TMEM67: variants seen among roughly 807,000 people sequenced by gnomAD.
The protein encoded by TMEM67 is transmembrane protein 67.
A neutral mutation model predicts 136.6 loss-of-function variants in TMEM67; 124 were observed. The ratio of observed to expected loss-of-function variants is 0.91; its 90% confidence interval spans 0.78 to 1.05. The LOEUF is 1.05. Among genes scored for constraint, TMEM67 ranks in the 50% least tolerant of loss-of-function variants. The probability of loss-of-function intolerance (pLI) is 0.00; values close to 1 mark genes in which losing one functional copy is unlikely to be tolerated. For missense variants in TMEM67, 1,107 were observed against 1,178.4 expected, an observed-to-expected ratio of 0.94 and a Z score of 0.89; for synonymous variants, 364 against 390.5, an observed-to-expected ratio of 0.93 and a Z score of 0.80.
intron 1 of TMEM67, 101 bp downstream of exon 1, chr8:93,755,238 T>G (rs989763965): frequency 9.2e-6 from 11 of 1,198,170 alleles, no homozygotes; most frequent in Non-Finnish European, 1.4e-5. Context: ...CAGGCTAGTC[T>G]CGAACTTCTG....
intron 7 of TMEM67, 107 bp from the exon 8 acceptor site, chr8:93,780,486 T>G: frequency 8.2e-7 from 1 of 1,223,056 alleles, no homozygotes; most frequent in South Asian, 1.2e-5. Flanking sequence ...GAGCTGTTCC[T>G]ACTCGGCCAT....
intron 9 of TMEM67, 64 bp from the exon 10 acceptor site, chr8:93,781,594 C>G: frequency 1.5e-6 from 1 of 684,390 alleles, no homozygotes; most frequent in Non-Finnish European, 2.5e-6. Flanking sequence ...ATGAAAATTT[C>G]TTTATAGGAT....
chr8:93,766,644 A>G (rs543338846), intron 6 of TMEM67, among the ~76,000 whole-genome samples: 2 of 152,300 alleles, frequency 1.3e-5, no homozygotes, highest in South Asian at 4.1e-4. Context: ...TGGGGTGGAC[A>G]GGGTGTGATC....
chr8:93,783,843 A>G (rs955705814), intron 11 of TMEM67, among the ~76,000 whole-genome samples: 3 of 152,194 alleles, frequency 2.0e-5, no homozygotes, highest in Admixed American at 6.5e-5. Flanking sequence ...ACTCACTATC[A>G]TGAGAACAGC....
At chr8:93,769,880 T>C (rs908262851) in intron 6 of TMEM67, among the ~76,000 whole-genome samples, 1 of 152,234 alleles carries the variant, frequency 6.6e-6, no homozygotes, top group Non-Finnish European at 1.5e-5. Flanking sequence ...AAAGTCTACT[T>C]TGAACGTTAA....
chr8:93,767,869 T>C (rs1191952279), intron 6 of TMEM67, among the ~76,000 whole-genome samples: 2 of 148,472 alleles, frequency 1.3e-5, no homozygotes, highest in Non-Finnish European at 3.0e-5. Context: ...TTTTCTTTTT[T>C]TTTTTTTTTT....
At chr8:93,770,287 A>T (rs550458407) in intron 6 of TMEM67, among the ~76,000 whole-genome samples, 1 of 152,194 alleles carries the variant, frequency 6.6e-6, no homozygotes, top group Non-Finnish European at 1.5e-5. Flanking sequence ...AATAAGTTGT[A>T]GACATAATGA....
intron 26 of TMEM67, chr8:93,811,388 A>G (rs1184602363): frequency 1.3e-5 from 2 of 152,266 alleles, no homozygotes; most frequent in Non-Finnish European, 2.9e-5. Flanking sequence ...TGCATTATGC[A>G]CTTACAAACT....
At chr8:93,812,475 C>T (rs1230090461) in intron 26 of TMEM67, among the ~76,000 whole-genome samples, 24 of 152,188 alleles carry the variant, frequency 1.6e-4, no homozygotes, top group Non-Finnish European at 1.0e-4. Context: ...GAGCAAGACC[C>T]TGTCTCTGTA....
At chr8:93,829,345 G>T in the TMEM67 span, among the ~76,000 whole-genome samples, 1 of 151,528 alleles carries the variant, frequency 6.6e-6, no homozygotes, top group African/African-American at 2.4e-5. Context: ...AAAATCAGGA[G>T]ATTTCCTTTA....
intron 13 of TMEM67, 95 bp downstream of exon 13, chr8:93,786,441 T>C (rs1814107793): frequency 2.2e-6 from 3 of 1,391,428 alleles, no homozygotes; most frequent in East Asian, 2.3e-5. Context: ...GACAACTGAA[T>C]TGGAACAGTT....
intron 2 of TMEM67, chr8:93,756,287 A>G (rs546765682): frequency 3.3e-5 from 5 of 153,830 alleles, no homozygotes; most frequent in Admixed American, 1.3e-4. Flanking sequence ...GTTCATAATG[A>G]TATCTAAGGT....
chr8:93,795,188 T>C, intron 16 of TMEM67: 1 of 591,352 alleles, frequency 1.7e-6, no homozygotes. Context: ...ATGAGAAGAG[T>C]TGAAAGAAGA....
rs1814792028 is a variant in TMEM67, at chr8:93,799,881, A to G, written c.2241+123A>G. ...TTTCTGTAGCAGAAAGAAGGTGACA[A>G]GAACAATAGCTAATGGTCAGTTCTT... On this transcript the variant is annotated intron_variant, in intron 21 of 27. Transcript: ENST00000453321. 29 of 828,432 alleles carry G rather than the reference A, an allele frequency of 3.5e-5. No individual in the cohort carries two copies. In the South Asian group the frequency reaches 3.9e-4, roughly 11 times the overall value. 51.3% of individuals were successfully genotyped at this position (828,432 alleles called of 1,614,324 possible).
chr8:93,763,793 T>C (rs763832298), intron 3 of TMEM67, 49 bp from the exon 4 acceptor site: 22 of 1,234,498 alleles, frequency 1.8e-5, no homozygotes, highest in Non-Finnish European at 2.5e-5. Flanking sequence ...TGTAGAAGCT[T>C]ATATGTTTAC....
downstream of TMEM67, among the ~76,000 whole-genome samples, chr8:93,819,789 A>G (rs1809014275): frequency 1.3e-5 from 2 of 152,200 alleles, no homozygotes; most frequent in Admixed American, 6.5e-5. Flanking sequence ...TGTACTGTTT[A>G]TATTTTAAAA....
intron 25 of TMEM67, 104 bp from the exon 26 acceptor site, chr8:93,809,681 A>T: frequency 1.4e-6 from 1 of 708,560 alleles, no homozygotes; most frequent in Non-Finnish European, 2.5e-6. Context: ...GATTTTCTTT[A>T]TATACTATTC....
chr8:93,798,915 T>C (rs972974389), intron 20 of TMEM67, among the ~76,000 whole-genome samples: 1 of 151,312 alleles, frequency 6.6e-6, no homozygotes, highest in South Asian at 2.1e-4. Context: ...ATCTGTTACC[T>C]CACATCTTTT....
Position 93,780,680 on chromosome 8 carries a change from T to C in TMEM67, c.802T>C (p.Cys268Arg), listed in dbSNP as rs1195398569. The stretch of plus-strand genomic sequence containing the variant: ...TTACGACTTTGCCACATTTGATGCA[T>C]GTGGACTATTTCAGTTTATCTTTGA... Reference protein sequence around the residue: ...NSYDFATFDACGLFQFIFENT... With the variant: ...NSYDFATFDARGLFQFIFENT... Residue 268 changes from cysteine (C) to arginine (R), a missense_variant, in exon 8 of 28, where the codon TGT (cysteine) becomes CGT (arginine). Transcript: ENST00000453321. The C allele has an allele frequency of 6.2e-7, 1 of 1,614,144 alleles. No homozygotes were observed. Among genetic ancestry groups the C allele is most frequent in the Non-Finnish European group, 8.5e-7 (1 of 1,180,030 alleles).
Sources: gnomAD v4.1 joint callset for allele counts (sites outside exome capture counted in the v4.1 genomes callset) on GRCh38, gnomAD v4.1.1 for gene constraint, MANE v1.5 for transcripts, NCBI Gene and HGNC (gene_info 2026-07-23, HGNC 2026-07-21) for gene names.